MYOZ2: variants seen among roughly 807,000 people sequenced by gnomAD.
MYOZ2 encodes the protein myozenin 2, also known as myozenin-2.
MYOZ2 carries 19 observed loss-of-function variants against 25.4 expected under a neutral mutation model. The observed-to-expected ratio is 0.75, with a 90% confidence interval of 0.52 to 1.10. The LOEUF (loss-of-function observed/expected upper bound fraction) is 1.10. MYOZ2 is among the 50% of genes least tolerant of loss of function. The pLI, the probability that MYOZ2 is intolerant of heterozygous loss-of-function variation, is 0.00. For missense variants in MYOZ2, 270 were observed against 317.9 expected, an observed-to-expected ratio of 0.85 and a Z score of 1.15; for synonymous variants, 92 against 106.9, an observed-to-expected ratio of 0.86 and a Z score of 0.86.
intron 5 of MYOZ2, among the ~76,000 whole-genome samples, chr4:119,175,781 G>A (rs924990643): frequency 4.0e-5 from 6 of 151,342 alleles, no homozygotes; most frequent in South Asian, 2.2e-4. Context: ...TGAAGTAGTG[G>A]TTGTGTGACC....
At chr4:119,163,458 G>T (rs1741751253) in intron 4 of MYOZ2, among the ~76,000 whole-genome samples, 1 of 152,188 alleles carries the variant, frequency 6.6e-6, no homozygotes, top group Non-Finnish European at 1.5e-5. Flanking sequence ...CTGGAAGAGT[G>T]TCACTCTATG....
chr4:119,159,203 G>A (rs1741652100), intron 4 of MYOZ2, among the ~76,000 whole-genome samples: 1 of 152,122 alleles, frequency 6.6e-6, no homozygotes, highest in Admixed American at 6.5e-5. Context: ...TTGGGAGGCT[G>A]AGGATCACTT....
At chr4:119,148,141 T>C (rs1442798120) in intron 2 of MYOZ2, among the ~76,000 whole-genome samples, 2 of 152,216 alleles carry the variant, frequency 1.3e-5, no homozygotes, top group African/African-American at 4.8e-5. Flanking sequence ...TGACAATTCT[T>C]TTCTTGCAGC....
chr4:119,136,726 G>A, intron 2 of MYOZ2, 125 bp downstream of exon 2: 3 of 983,434 alleles, frequency 3.1e-6, no homozygotes, highest in Non-Finnish European at 4.7e-6. Flanking sequence ...AACAAACCTG[G>A]AGCTCTAGGG....
At chr4:119,184,093 G>A (rs1162243445) in intron 5 of MYOZ2, among the ~76,000 whole-genome samples, 1 of 152,124 alleles carries the variant, frequency 6.6e-6, no homozygotes, top group African/African-American at 2.4e-5. Flanking sequence ...GGGATTACAG[G>A]TGCGAACCAC....
At chr4:119,137,214 T>A (rs1281946240) in intron 2 of MYOZ2, among the ~76,000 whole-genome samples, 2 of 152,136 alleles carry the variant, frequency 1.3e-5, no homozygotes, top group African/African-American at 2.4e-5. Context: ...CTCAAAAAAA[T>A]TTTAATATAT....
intron 3 of MYOZ2, among the ~76,000 whole-genome samples, chr4:119,157,042 G>T (rs1240570135): frequency 2.0e-5 from 3 of 152,190 alleles, no homozygotes; most frequent in Admixed American, 6.5e-5. Context: ...TTAAATAAGT[G>T]TTAAAATGTA....
At chr4:119,156,321 G>T (rs1462711118) in intron 3 of MYOZ2, among the ~76,000 whole-genome samples, 4 of 151,102 alleles carry the variant, frequency 2.6e-5, no homozygotes, top group African/African-American at 9.7e-5. Context: ...ATGATCAAAG[G>T]TAGAAAAGCA....
At chr4:119,180,280 T>C (rs1742161082) in intron 5 of MYOZ2, among the ~76,000 whole-genome samples, 1 of 152,194 alleles carries the variant, frequency 6.6e-6, no homozygotes, top group South Asian at 2.1e-4. Context: ...TGTTTTAACT[T>C]CTACCCATCA....
chr4:119,141,106 A>G (rs558805208), intron 2 of MYOZ2, among the ~76,000 whole-genome samples: 1 of 152,350 alleles, frequency 6.6e-6, no homozygotes, highest in African/African-American at 2.4e-5. Flanking sequence ...TTATTCAATT[A>G]CATAGGCCAA....
At chr4:119,157,220 T>G (rs12509109) in intron 3 of MYOZ2, among the ~76,000 whole-genome samples, 89,781 of 151,944 alleles carry the variant, frequency 0.59, 28,833 homozygotes, top group Non-Finnish European at 0.72. Context: ...CGCTTCTTTT[T>G]AAAATACACA....
chr4:119,154,867 ACACG>A (rs932052932), intron 3 of MYOZ2, among the ~76,000 whole-genome samples: 35 of 132,196 alleles, frequency 2.6e-4, no homozygotes, highest in African/African-American at 1.0e-3. Flanking sequence ...ACACACACAC[ACACG>A]CACACACACA....
chr4:119,179,848 T>C (rs1297628426), intron 5 of MYOZ2, among the ~76,000 whole-genome samples: 1 of 152,196 alleles, frequency 6.6e-6, no homozygotes, highest in Non-Finnish European at 1.5e-5. Flanking sequence ...AAAAAAGGCT[T>C]AAGCTAGTTC....
intron 2 of MYOZ2, 115 bp downstream of exon 2, chr4:119,136,716 A>G (rs893925569): frequency 4.4e-6 from 5 of 1,134,482 alleles, no homozygotes; most frequent in South Asian, 1.3e-5. Flanking sequence ...GTTCTGTCAT[A>G]ACAAACCTGG....
intron 5 of MYOZ2, among the ~76,000 whole-genome samples, chr4:119,184,552 C>A (rs976479583): frequency 3.9e-5 from 6 of 152,126 alleles, no homozygotes; most frequent in Admixed American, 1.3e-4. Flanking sequence ...TATTATAACA[C>A]CCTATTTTAA....
chr4:119,147,939 C>T (rs1337989049), intron 2 of MYOZ2, among the ~76,000 whole-genome samples: 1 of 151,872 alleles, frequency 6.6e-6, no homozygotes, highest in East Asian at 1.9e-4. Flanking sequence ...TACTATATAC[C>T]TTCTTTATCT....
At chr4:119,179,592 G>A (rs1337309500) in intron 5 of MYOZ2, among the ~76,000 whole-genome samples, 2 of 151,964 alleles carry the variant, frequency 1.3e-5, no homozygotes, top group Non-Finnish European at 2.9e-5. Flanking sequence ...ACAGAGAGCT[G>A]CAACTTTATC....
At chr4:119,144,296 T>G (rs1340682141) in intron 2 of MYOZ2, among the ~76,000 whole-genome samples, 1 of 152,228 alleles carries the variant, frequency 6.6e-6, no homozygotes, top group African/African-American at 2.4e-5. Flanking sequence ...CTCAATGATT[T>G]GTTCCCTTTT....
At chr4:119,179,786 A>G (rs1427212784) in intron 5 of MYOZ2, among the ~76,000 whole-genome samples, 1 of 152,242 alleles carries the variant, frequency 6.6e-6, no homozygotes, top group Non-Finnish European at 1.5e-5. Context: ...GTGTCCTCAC[A>G]TGGCAAAAGA....
Sources: gnomAD v4.1 joint callset for allele counts (sites outside exome capture counted in the v4.1 genomes callset) on GRCh38, gnomAD v4.1.1 for gene constraint, MANE v1.5 for transcripts, NCBI Gene and HGNC (gene_info 2026-07-23, HGNC 2026-07-21) for gene names.